The following ADCY10 variants were observed in gnomAD, a reference collection of about 807,000 sequenced individuals.
ADCY10 encodes the protein adenylate cyclase type 10.
ADCY10 carries 156 observed loss-of-function variants against 183.3 expected under a neutral mutation model. The observed-to-expected ratio is 0.85, with a 90% CI of 0.75 to 0.97. ADCY10 has a LOEUF of 0.97. ADCY10 is among the 50% of genes least tolerant of loss of function. The pLI is 0.00. For synonymous variants in ADCY10, 645 were observed against 670.0 expected (o/e 0.96, Z 0.58); for missense variants, 1,745 against 1,934.3 (o/e 0.90, Z 1.84).
intron 21 of ADCY10, among the ~76,000 whole-genome samples, chr1:167,842,568 A>T (rs1664731119): frequency 6.8e-6 from 1 of 146,358 alleles, no homozygotes; most frequent in Admixed American, 7.0e-5. Context: ...AGATTAAAGC[A>T]GGATATTTTA....
Position 167,896,193 on chromosome 1 carries a change from C to T in ADCY10, c.739+402G>A, listed in dbSNP as rs148486972. 3.9e-5 allele frequency among the ~76,000 whole-genome samples: 6 copies of T among 152,012 alleles called. No homozygotes were observed. The East Asian group carries it at 1.2e-3, about 29-fold the overall frequency. On this transcript the variant is annotated intron_variant, in intron 7 of 32. Coordinates refer to ENST00000367851, the MANE Select transcript of ADCY10 (RefSeq NM_018417.6). ...GCAGGTGAGCACAGACATCAAGGTG[C>T]TTGCAATCAATATTTATTGGATGAA...
At position 167,883,488 on chromosome 1, in the gene ADCY10, A is replaced by G. The variant is rs1392079702; in HGVS notation, c.969T>C (p.Ser323=). 7 of 1,614,266 alleles carry G rather than the reference A, an allele frequency of 4.3e-6. No individual in the cohort carries two copies. The highest frequency in any genetic ancestry group is 5.1e-6 in the Non-Finnish European group (6 of 1,180,046). ...TTTGGCCTTGGAAGATCTTCAGGAC[A>G]GAAGTGATGTGCATATAGGCATCCT... The part of the protein sequence containing the change: ...AIQDAYMHIT[S]VLKIFQGQIN... Residue 323 remains serine (S), a synonymous_variant, in exon 9 of 33, where the codon TCT becomes TCC. Transcript: ENST00000367851.
At chr1:167,868,290 C>G (rs997301168) in intron 14 of ADCY10, among the ~76,000 whole-genome samples, 5 of 152,142 alleles carry the variant, frequency 3.3e-5, no homozygotes, top group African/African-American at 1.2e-4. Flanking sequence ...TGCCTACAGA[C>G]CCAGTTCCTG....
At chr1:167,909,845 C>G (rs959906808) in intron 1 of ADCY10, among the ~76,000 whole-genome samples, 8 of 152,304 alleles carry the variant, frequency 5.3e-5, no homozygotes, top group Middle Eastern at 3.4e-3. Context: ...CAGGCCATTT[C>G]TCTTACTGTC....
chr1:167,828,007 C>T (rs1184595873), intron 26 of ADCY10, among the ~76,000 whole-genome samples: 1 of 152,166 alleles, frequency 6.6e-6, no homozygotes, highest in Non-Finnish European at 1.5e-5. Flanking sequence ...AGCCACCATG[C>T]CCCGCTAATA....
At chr1:167,862,804 A>T (rs1301650800) in intron 14 of ADCY10, among the ~76,000 whole-genome samples, 1 of 152,226 alleles carries the variant, frequency 6.6e-6, no homozygotes, top group Non-Finnish European at 1.5e-5. Flanking sequence ...TTATAAGATT[A>T]ACAAGCATTT....
At chr1:167,899,730 C>T (rs544116822) in intron 5 of ADCY10, 102 bp from the exon 6 acceptor site, 1 of 1,091,152 alleles carries the variant, frequency 9.2e-7, no homozygotes, top group South Asian at 1.3e-5. Context: ...ACTATACTAT[C>T]TCAGAGCAAA....
rs2101981384 is a variant in ADCY10 at position 167,848,238 on chromosome 1, A to T, written c.2437+123T>A. 4 of 724,990 alleles carry T rather than the reference A, an allele frequency of 5.5e-6. No homozygotes were observed. In the East Asian group the frequency reaches 8.7e-5, roughly 16 times the overall value. The allele number at this position is 724,990 out of a possible 1,614,324, so 44.9% of individuals were successfully genotyped here. ...TAATTTTTTTGTATTTTTAGTAGATACGGGGTTTCACCATATTGGCCAGGC... is the reference window on the plus strand; with the variant it reads ...TAATTTTTTTGTATTTTTAGTAGATTCGGGGTTTCACCATATTGGCCAGGC... On this transcript the variant is annotated intron_variant, in intron 19 of 32. Transcript: ENST00000367851.
chr1:167,911,890 A>G (rs535464566), intron 1 of ADCY10, among the ~76,000 whole-genome samples: 2 of 152,202 alleles, frequency 1.3e-5, no homozygotes, highest in Non-Finnish European at 2.9e-5. Context: ...ATGATGACCA[A>G]ACAAGGAAAG....
At chr1:167,881,188 G>A (rs564637550) in intron 9 of ADCY10, among the ~76,000 whole-genome samples, 1 of 152,296 alleles carries the variant, frequency 6.6e-6, no homozygotes, top group African/African-American at 2.4e-5. Flanking sequence ...TAAAGGCTTA[G>A]GCTGTAAGTA....
chr1:167,812,650 A>G (rs893879954), intron 31 of ADCY10, among the ~76,000 whole-genome samples: 2 of 152,206 alleles, frequency 1.3e-5, no homozygotes, highest in African/African-American at 4.8e-5. Flanking sequence ...CCAAGGGGGA[A>G]AAAATATCAA....
intron 32 of ADCY10, 56 bp from the exon 33 acceptor site, chr1:167,809,895 C>T: frequency 6.4e-7 from 1 of 1,570,788 alleles, no homozygotes; most frequent in Non-Finnish European, 8.8e-7. Context: ...CTTTTGTAAT[C>T]AAGGTTAGTC....
At chr1:167,882,504 A>AAAAAG (rs1667938319) in intron 9 of ADCY10, among the ~76,000 whole-genome samples, 1 of 149,382 alleles carries the variant, frequency 6.7e-6, no homozygotes, top group Admixed American at 6.7e-5. Flanking sequence ...AAAAAAAAAA[A>AAAAAG]GAACAGAGCG....
chr1:167,889,914 G>A (rs1266540364), intron 8 of ADCY10, among the ~76,000 whole-genome samples: 3 of 152,012 alleles, frequency 2.0e-5, no homozygotes, highest in Admixed American at 2.0e-4. Flanking sequence ...ATTTATTTGG[G>A]TCTTTTCTCT....
At chr1:167,811,553 C>T (rs1031566391) in intron 31 of ADCY10, among the ~76,000 whole-genome samples, 11 of 152,218 alleles carry the variant, frequency 7.2e-5, no homozygotes, top group Non-Finnish European at 1.3e-4. Context: ...TGCCACTGCA[C>T]TCCAGCCTTG....
chr1:167,901,817 G>T lies in ADCY10; in HGVS notation c.293-12C>A, dbSNP rs1448310152. 1 of 1,614,054 alleles carries T rather than the reference G, an allele frequency of 6.2e-7. No homozygotes were observed. The highest frequency in any genetic ancestry group is 8.5e-7 in the Non-Finnish European group (1 of 1,180,042). ...TAGCAGTGCATCACCTTCAGAGAGA[G>T]ACATGCCGCGGGCTTTTGACCTGCC... On this transcript the variant is annotated splice_polypyrimidine_tract_variant and intron_variant, in intron 4 of 32. Coordinates refer to ENST00000367851, the MANE Select transcript of ADCY10 (RefSeq NM_018417.6).
At chr1:167,834,555 G>A (rs1664048794) in intron 23 of ADCY10, 1 of 252,192 alleles carries the variant, frequency 4.0e-6, no homozygotes, top group South Asian at 5.5e-5. Context: ...GGATGAGGAA[G>A]TAAGTCCCTG....
At chr1:167,818,792 G>A (rs959503588) in intron 30 of ADCY10, among the ~76,000 whole-genome samples, 2 of 152,138 alleles carry the variant, frequency 1.3e-5, no homozygotes, top group Non-Finnish European at 2.9e-5. Flanking sequence ...ACCCGCCTTG[G>A]CCTCCCAAAG....
At chr1:167,860,654 A>T (rs1456139799) in intron 15 of ADCY10, among the ~76,000 whole-genome samples, 1 of 152,252 alleles carries the variant, frequency 6.6e-6, no homozygotes, top group African/African-American at 2.4e-5. Flanking sequence ...ATTAGTCAGC[A>T]GATGGCCATT....
Sources: gnomAD v4.1 joint callset for allele counts (sites outside exome capture counted in the v4.1 genomes callset) on GRCh38, gnomAD v4.1.1 for gene constraint, MANE v1.5 for transcripts, NCBI Gene and HGNC (gene_info 2026-07-23, HGNC 2026-07-21) for gene names.